Variants in RIPOR2 observed in about 807,000 individuals in gnomAD.
RIPOR2 encodes the protein RHO family interacting cell polarization regulator 2.
In RIPOR2, 39 loss-of-function variants were observed where a neutral mutation model predicts 114.5. That is an observed-to-expected ratio of 0.34 (90% confidence interval 0.26 to 0.44). The LOEUF (loss-of-function observed/expected upper bound fraction) is 0.44. Ranked by LOEUF, RIPOR2 falls within the 20% of genes least tolerant of loss-of-function variation. The pLI is 1.00. For missense variants in RIPOR2, 1,007 were observed against 1,255.1 expected (o/e 0.80, Z 2.99); for synonymous variants, 445 against 484.4 (o/e 0.92, Z 1.07).
At chr6:24,895,046 GT>G (rs570909082) in intron 1 of RIPOR2, among the ~76,000 whole-genome samples, 1 of 151,986 alleles carries the variant, frequency 6.6e-6, no homozygotes, top group Admixed American at 6.6e-5. Flanking sequence ...TACCTGGGCA[GT>G]TTTTTTGTTT....
intron 21 of RIPOR2, among the ~76,000 whole-genome samples, chr6:24,807,921 G>T (rs768740214): frequency 4.6e-5 from 7 of 152,118 alleles, no homozygotes; most frequent in African/African-American, 9.7e-5. Context: ...AGAAAAATGT[G>T]CCAGTATTTG....
intron 13 of RIPOR2, chr6:24,840,507 G>A: frequency 7.1e-7 from 1 of 1,407,276 alleles, no homozygotes; most frequent in Non-Finnish European, 9.2e-7. Context: ...AAATATTCAA[G>A]AGGATGCTGG....
chr6:25,014,927 C>T (rs1233981549), intron 1 of RIPOR2: 1 of 152,190 alleles, frequency 6.6e-6, no homozygotes, highest in Non-Finnish European at 1.5e-5. Context: ...ATGGCACCTA[C>T]ACACAAATTT....
chr6:24,964,280 C>T (rs1773432574), intron 1 of RIPOR2, among the ~76,000 whole-genome samples: 2 of 152,082 alleles, frequency 1.3e-5, no homozygotes. Context: ...CATGCTACCC[C>T]TGTATAGTCA....
At position 24,835,716 on chromosome 6, in the gene RIPOR2, G is replaced by A. The variant is rs1260583130; in HGVS notation, c.2195C>T (p.Thr732Ile). ...ITIVRHLQYCTQLVQQIVFSS... is the reference protein window; with the variant it reads ...ITIVRHLQYCIQLVQQIVFSS... ...CGCTGATCCTACCTGCACGAGTTGG[G>A]TGCAGTACTGGAGGTGCCTGACGAT... The change falls in exon 15 of 22, where the codon ACC (threonine) becomes ATC (isoleucine). Residue 732 changes from threonine (T) to isoleucine (I), a missense_variant. Physicochemically the swap from Thr to Ile is moderately conservative, Grantham distance 89 (BLOSUM62 -1). Transcript: ENST00000643898. The A allele has an allele frequency of 1.3e-6, 2 of 1,551,664 alleles. No individual in the cohort carries two copies. Among genetic ancestry groups the A allele is most frequent in the Admixed American group, 2.0e-5 (1 of 50,996 alleles).
rs1285343441 is a variant in RIPOR2, at chr6:24,848,066, C to A, written c.1123G>T (p.Gly375Cys). ...TTGAAGGTGGGCGTTTCCGGGGTAC[C>A]CTGGCTGTACATGGACATTCTCCTC... Reference protein sequence around the residue: ...LQRRMSMYSQGTPETPTFKDH... With the variant: ...LQRRMSMYSQCTPETPTFKDH... Residue 375 changes from glycine (G) to cysteine (C), a missense_variant, in exon 12 of 22, where the codon GGT (glycine) becomes TGT (cysteine). By Grantham distance (159) the Gly-to-Cys change is radical. Transcript: ENST00000643898. 3.7e-6 allele frequency: 6 copies of A among 1,613,774 alleles called. No homozygotes were observed. In the East Asian group the frequency reaches 8.9e-5, roughly 24 times the overall value.
intron 14 of RIPOR2, among the ~76,000 whole-genome samples, chr6:24,837,267 C>G (rs527336681): frequency 8.5e-4 from 129 of 152,042 alleles, no homozygotes; most frequent in African/African-American, 2.8e-3. Flanking sequence ...GGACTACAGG[C>G]GTACACCACC....
intron 1 of RIPOR2, among the ~76,000 whole-genome samples, chr6:24,917,559 T>C (rs1458733417): frequency 1.3e-5 from 2 of 152,182 alleles, no homozygotes; most frequent in African/African-American, 4.8e-5. Context: ...AGACGGAGTC[T>C]TGCTCTGTCA....
intron 1 of RIPOR2, among the ~76,000 whole-genome samples, chr6:24,973,595 C>CA (rs61341684): frequency 0.51 from 65,279 of 128,870 alleles, 15,644 homozygotes; most frequent in African/African-American, 0.52. Flanking sequence ...GACTGCATCT[C>CA]AAAAAAAAAA....
intron 1 of RIPOR2, among the ~76,000 whole-genome samples, chr6:24,891,582 T>A (rs930627094): frequency 9.9e-5 from 15 of 152,106 alleles, no homozygotes; most frequent in Non-Finnish European, 1.6e-4. Context: ...CAAATGCTTA[T>A]GTATCCGAGA....
Position 24,832,256 on chromosome 6 carries a change from C to T in RIPOR2, c.2344G>A (p.Ala782Thr), listed in dbSNP as rs1760747174. The T allele has an allele frequency of 1.3e-6, 2 of 1,551,628 alleles. No homozygotes were observed. The highest frequency in any genetic ancestry group is 8.7e-7 in the Non-Finnish European group (1 of 1,146,932). Residue 782 changes from alanine (A) to threonine (T), a missense_variant and splice_region_variant, in exon 16 of 22, where the codon GCC (alanine) becomes ACC (threonine). Ala to Thr is a moderately conservative substitution (Grantham distance 58). Transcript: ENST00000643898. ...AGCGGTGTAACTGGCAGATACTTAC[C>T]TTCCACAACAGAACTGATATTTCCT... ...NIGNISSVVE[A>T]IPEFHKKLSL... is the part of the protein sequence containing the mutation.
chr6:24,939,509 G>A (rs1234341169), upstream of RIPOR2, among the ~76,000 whole-genome samples: 1 of 152,194 alleles, frequency 6.6e-6, no homozygotes, highest in Non-Finnish European at 1.5e-5. Flanking sequence ...GGCACTTAAA[G>A]CAGAAAGGAG....
chr6:24,996,283 C>T (rs540304795), intron 1 of RIPOR2, among the ~76,000 whole-genome samples: 19 of 152,232 alleles, frequency 1.2e-4, no homozygotes, highest in African/African-American at 3.6e-4. Flanking sequence ...AGAAAATCTA[C>T]GATAAACAAA....
At chr6:24,820,484 C>A (rs1462342894) in intron 19 of RIPOR2, among the ~76,000 whole-genome samples, 1 of 152,190 alleles carries the variant, frequency 6.6e-6, no homozygotes, top group Non-Finnish European at 1.5e-5. Context: ...ATTTTCATTA[C>A]CCCAAAAAGA....
At chr6:25,009,496 C>CCT (rs1252611125) in intron 1 of RIPOR2, among the ~76,000 whole-genome samples, 2 of 152,144 alleles carry the variant, frequency 1.3e-5, no homozygotes, top group Admixed American at 1.3e-4. Flanking sequence ...GGAAATGTTT[C>CCT]CTCCATTTTA....
intron 1 of RIPOR2, among the ~76,000 whole-genome samples, chr6:24,909,108 A>G (rs1257632364): frequency 6.6e-6 from 1 of 152,140 alleles, no homozygotes; most frequent in African/African-American, 2.4e-5. Context: ...AAATTTTTGG[A>G]CAGGCAGATG....
chr6:24,959,144 TC>T (rs1773188133), intron 1 of RIPOR2, among the ~76,000 whole-genome samples: 1 of 152,072 alleles, frequency 6.6e-6, no homozygotes, highest in African/African-American at 2.4e-5. Flanking sequence ...CATGGCATTC[TC>T]CCTGCATCTC....
intron 1 of RIPOR2, among the ~76,000 whole-genome samples, chr6:24,987,806 T>C (rs1180781304): frequency 6.6e-6 from 1 of 152,234 alleles, no homozygotes; most frequent in Non-Finnish European, 1.5e-5. Context: ...ATGTATTCAG[T>C]GTTCATAATA....
At chr6:24,950,007 C>T (rs556287368) in intron 1 of RIPOR2, among the ~76,000 whole-genome samples, 4 of 152,316 alleles carry the variant, frequency 2.6e-5, no homozygotes, top group African/African-American at 9.6e-5. Flanking sequence ...ATATTCACTG[C>T]TCATCCTAGA....
Sources: allele counts gnomAD v4.1 joint callset (sites outside exome capture counted in the v4.1 genomes callset), GRCh38; gene constraint gnomAD v4.1.1; transcripts MANE v1.5; gene names NCBI Gene and HGNC (gene_info 2026-07-23, HGNC 2026-07-21).